PRKG1: variants seen among roughly 807,000 people sequenced by gnomAD.
PRKG1 encodes the protein cGMP-dependent protein kinase 1.
Under a neutral mutation model 88.1 loss-of-function variants are expected in PRKG1, and 35 were observed. The observed-to-expected ratio is 0.40, with a 90% CI of 0.30 to 0.53. The LOEUF is 0.53. Among genes scored for constraint, PRKG1 ranks in the 20% least tolerant of loss-of-function variants. The probability of loss-of-function intolerance (pLI) is 0.59; values close to 1 mark genes in which losing one functional copy is unlikely to be tolerated. For synonymous variants in PRKG1, 303 were observed against 292.5 expected, an observed-to-expected ratio of 1.04 and a Z score of -0.37; for missense variants, 540 against 839.8, an observed-to-expected ratio of 0.64 and a Z score of 4.41.
intron 9 of PRKG1, among the ~76,000 whole-genome samples, chr10:52,193,599 T>C (rs1253792716): frequency 6.7e-6 from 1 of 148,408 alleles, no homozygotes; most frequent in African/African-American, 2.5e-5. Flanking sequence ...ATTCCAAATG[T>C]CATTTAACAC....
At chr10:51,745,657 T>C (rs575500599) in intron 3 of PRKG1, among the ~76,000 whole-genome samples, 43 of 152,298 alleles carry the variant, frequency 2.8e-4, no homozygotes, top group African/African-American at 9.1e-4. Flanking sequence ...TTTGAATAAA[T>C]GCATGAGAAG....
At chr10:51,141,780 T>A (rs556362918) in intron 1 of PRKG1, among the ~76,000 whole-genome samples, 19 of 152,304 alleles carry the variant, frequency 1.2e-4, no homozygotes, top group African/African-American at 4.3e-4. Context: ...TGAACCCTTA[T>A]ACTAACATGC....
At chr10:51,988,276 T>C (rs1252481320) in intron 5 of PRKG1, among the ~76,000 whole-genome samples, 1 of 152,124 alleles carries the variant, frequency 6.6e-6, no homozygotes, top group Non-Finnish European at 1.5e-5. Context: ...TTTTGAGATT[T>C]ATCCATGTGG....
At chr10:51,197,307 C>T (rs988275667) in intron 2 of PRKG1, among the ~76,000 whole-genome samples, 6 of 152,124 alleles carry the variant, frequency 3.9e-5, no homozygotes, top group South Asian at 2.1e-4. Context: ...GAGTCTCACT[C>T]TGTCTCCCAG....
intron 2 of PRKG1, among the ~76,000 whole-genome samples, chr10:51,381,596 A>G (rs921568130): frequency 6.6e-6 from 1 of 152,192 alleles, no homozygotes; most frequent in Admixed American, 6.5e-5. Context: ...CCTTGAGCCA[A>G]TGAAATTTTT....
At chr10:52,033,324 A>T (rs1159573140) in intron 5 of PRKG1, among the ~76,000 whole-genome samples, 1 of 152,200 alleles carries the variant, frequency 6.6e-6, no homozygotes, top group Non-Finnish European at 1.5e-5. Context: ...CAAGGTTGAT[A>T]AAACGTACCT....
At chr10:51,844,792 G>A (rs547447139) in intron 4 of PRKG1, among the ~76,000 whole-genome samples, 2 of 152,146 alleles carry the variant, frequency 1.3e-5, no homozygotes, top group Admixed American at 1.3e-4. Flanking sequence ...GGGAGACAGA[G>A]GGAGGTGATG....
At chr10:51,336,014 T>C (rs1588853813) in intron 2 of PRKG1, among the ~76,000 whole-genome samples, 1 of 152,126 alleles carries the variant, frequency 6.6e-6, no homozygotes, top group Non-Finnish European at 1.5e-5. Context: ...ATGTTTGAAA[T>C]AAAAAGTAGG....
At chr10:51,170,554 T>C (rs1846676932) in intron 2 of PRKG1, among the ~76,000 whole-genome samples, 1 of 151,796 alleles carries the variant, frequency 6.6e-6, no homozygotes, top group South Asian at 2.1e-4. Context: ...ATTGCTATGT[T>C]CTGTAAGGTG....
chr10:52,053,092 AAAT>A, intron 5 of PRKG1, among the ~76,000 whole-genome samples: 1 of 152,284 alleles, frequency 6.6e-6, no homozygotes, highest in East Asian at 1.9e-4. Context: ...TTTTATTTAG[AAAT>A]AATTATTTGT....
At chr10:51,352,918 C>T (rs550686405) in intron 2 of PRKG1, among the ~76,000 whole-genome samples, 1 of 151,812 alleles carries the variant, frequency 6.6e-6, no homozygotes, top group Non-Finnish European at 1.5e-5. Context: ...ACAAACAAAA[C>T]AAACAACAAC....
At chr10:51,507,546 T>A (rs1428086715) in intron 3 of PRKG1, among the ~76,000 whole-genome samples, 1 of 152,112 alleles carries the variant, frequency 6.6e-6, no homozygotes, top group East Asian at 1.9e-4. Flanking sequence ...GTTTCAGAGA[T>A]GGAAAGTCCT....
chr10:51,270,795 A>G (rs1456722224), intron 2 of PRKG1, among the ~76,000 whole-genome samples: 1 of 152,178 alleles, frequency 6.6e-6, no homozygotes, highest in African/African-American at 2.4e-5. Context: ...CCTAGTTGTC[A>G]TGAAACTGAG....
chr10:51,969,631 T>C (rs891658212), intron 5 of PRKG1, among the ~76,000 whole-genome samples: 2 of 151,960 alleles, frequency 1.3e-5, no homozygotes. Context: ...TAAGAAAATA[T>C]GCAAATAGTC....
intron 3 of PRKG1, among the ~76,000 whole-genome samples, chr10:51,674,791 C>T (rs756207365): frequency 2.6e-5 from 4 of 152,084 alleles, no homozygotes; most frequent in Non-Finnish European, 4.4e-5. Context: ...TGGGGTTGAA[C>T]AATAGTAATT....
intron 3 of PRKG1, among the ~76,000 whole-genome samples, chr10:51,716,015 T>G (rs1841876742): frequency 6.6e-6 from 1 of 152,262 alleles, no homozygotes; most frequent in South Asian, 2.1e-4. Flanking sequence ...ATGCTGAGGC[T>G]TCTTGCTATG....
intron 2 of PRKG1, among the ~76,000 whole-genome samples, chr10:51,368,385 C>G (rs1325152909): frequency 6.6e-6 from 1 of 151,950 alleles, no homozygotes; most frequent in African/African-American, 2.4e-5. Flanking sequence ...AGACAAGAAC[C>G]TGCTATGGAT....
rs575968811 is a variant in PRKG1, at chr10:51,792,364, TTGCCTCA to T, written c.593-12216_593-12210del. ...TTCTTTTGCCTAATATACCTGACCT[TTGCCTCA>T]TGCCAGGGTTGTTTTAGATGACGTA... is the stretch of plus-strand genomic sequence containing the variant. On this transcript the variant is annotated intron_variant, in intron 3 of 17. Coordinates refer to ENST00000373980, the MANE Select transcript of PRKG1 (RefSeq NM_006258.4). Among the ~76,000 whole-genome samples, 12 of 152,230 alleles carry T rather than the reference TTGCCTCA, an allele frequency of 7.9e-5. No homozygotes were observed. In the East Asian group the frequency reaches 2.1e-3, roughly 27 times the overall value.
intron 5 of PRKG1, among the ~76,000 whole-genome samples, chr10:52,015,846 G>C (rs1051820408): frequency 6.6e-6 from 1 of 152,168 alleles, no homozygotes; most frequent in Non-Finnish European, 1.5e-5. Context: ...GATCTTTAGG[G>C]CAGGGGCGAA....
Sources: allele counts gnomAD v4.1 joint callset (sites outside exome capture counted in the v4.1 genomes callset), GRCh38; gene constraint gnomAD v4.1.1; transcripts MANE v1.5; gene names NCBI Gene and HGNC (gene_info 2026-07-23, HGNC 2026-07-21).